TMC1: variants seen among roughly 807,000 people sequenced by gnomAD.
The protein encoded by TMC1 is transmembrane channel-like protein 1.
A neutral mutation model predicts 105.8 loss-of-function variants in TMC1; 84 were observed. The ratio of observed to expected loss-of-function variants is 0.79; its 90% CI spans 0.67 to 0.95. The LOEUF (loss-of-function observed/expected upper bound fraction) is 0.95. TMC1 is among the 40% of genes least tolerant of loss of function. The pLI is 0.00. For synonymous variants in TMC1, 315 were observed against 311.5 expected (o/e 1.01, Z -0.12); for missense variants, 817 against 914.1 (o/e 0.89, Z 1.37).
intron 2 of TMC1, among the ~76,000 whole-genome samples, chr9:72,612,186 A>G (rs140986122): frequency 2.6e-5 from 4 of 151,976 alleles, no homozygotes; most frequent in Non-Finnish European, 5.9e-5. Context: ...AAATTTCTCT[A>G]TACCCTGCTA....
At chr9:72,666,871 G>A (rs1826052145) in intron 5 of TMC1, among the ~76,000 whole-genome samples, 1 of 149,028 alleles carries the variant, frequency 6.7e-6, no homozygotes, top group Non-Finnish European at 1.5e-5. Flanking sequence ...GCAGCATAGG[G>A]AAATCCCATC....
At chr9:72,675,784 T>A (rs1248503202) in intron 5 of TMC1, among the ~76,000 whole-genome samples, 1 of 152,174 alleles carries the variant, frequency 6.6e-6, no homozygotes, top group African/African-American at 2.4e-5. Flanking sequence ...CCCCACCCCA[T>A]GCCTTTTTGT....
chr9:72,759,868 G>A lies in TMC1; in HGVS notation c.741+4984G>A, dbSNP rs562955818. Reference sequence around the variant, plus strand: ...TCTCTTCATGTCCTGTATTCCGCCCGTAATTTTCCTGTTGTAATTTCCAGC... The same window carrying A: ...TCTCTTCATGTCCTGTATTCCGCCCATAATTTTCCTGTTGTAATTTCCAGC... On this transcript the variant is annotated intron_variant, in intron 12 of 23. Transcript: ENST00000297784. Among the ~76,000 whole-genome samples the A allele has an allele frequency of 1.8e-4, 27 of 152,232 alleles. No homozygotes were observed. In the South Asian group the frequency reaches 3.5e-3, roughly 20 times the overall value.
chr9:72,636,975 C>T (rs1452311270), intron 4 of TMC1, among the ~76,000 whole-genome samples: 1 of 151,808 alleles, frequency 6.6e-6, no homozygotes, highest in Non-Finnish European at 1.5e-5. Flanking sequence ...AAGAATTATT[C>T]AGTCCAAAGT....
intron 2 of TMC1, among the ~76,000 whole-genome samples, chr9:72,602,230 A>C (rs1824828324): frequency 6.6e-6 from 1 of 152,252 alleles, no homozygotes; most frequent in South Asian, 2.1e-4. Context: ...TTTTAGTATA[A>C]TATTATTACA....
rs372449375 is a variant in TMC1, at chr9:72,751,917, T to G, written c.603T>G (p.Val201=). 2 of 1,613,500 alleles carry G rather than the reference T, an allele frequency of 1.2e-6. No individual in the cohort carries two copies. The highest frequency in any genetic ancestry group is 2.7e-5 in the African/African-American group (2 of 74,902). Residue 201 remains valine (V), a synonymous_variant, in exon 11 of 24, where the codon GTT becomes GTG. Transcript: ENST00000297784. The part of the protein sequence containing the change: ...FLRWMYGVNM[V]LFILTFSLIM... Reference sequence around the variant, plus strand: ...GATGGATGTATGGAGTCAATATGGTTCTCTTTATCCTGACATTTAGCCTCA... The same window carrying G: ...GATGGATGTATGGAGTCAATATGGTGCTCTTTATCCTGACATTTAGCCTCA...
At chr9:72,708,972 G>T (rs565694483) in intron 8 of TMC1, among the ~76,000 whole-genome samples, 1 of 150,202 alleles carries the variant, frequency 6.7e-6, no homozygotes, top group South Asian at 2.2e-4. Context: ...TGGGATGCTG[G>T]TTTTTGTCAA....
intron 1 of TMC1, among the ~76,000 whole-genome samples, chr9:72,577,088 GATAA>G (rs1824394968): frequency 6.6e-6 from 1 of 152,088 alleles, no homozygotes; most frequent in African/African-American, 2.4e-5. Context: ...ACAATTTAAG[GATAA>G]ATAATGTACT....
At position 72,627,914 on chromosome 9, in the gene TMC1, A is replaced by G. The variant is rs1347295902; in HGVS notation, c.-195-7A>G. ...CTGTATTGGATTTTTTTTTTTTCAT[A>G]TTTTAGGATGCCAGAAGCCTCAAAA... On this transcript the variant is annotated splice_region_variant and splice_polypyrimidine_tract_variant and intron_variant, in intron 3 of 23. Coordinates refer to ENST00000297784, the MANE Select transcript of TMC1 (RefSeq NM_138691.3). The G allele has an allele frequency of 2.7e-6, 1 of 372,622 alleles. No homozygotes were observed. Among genetic ancestry groups the G allele is most frequent in the Non-Finnish European group, 5.3e-6 (1 of 189,302 alleles). The allele number at this position is 372,622 out of a possible 1,614,324, so 23.1% of individuals were successfully genotyped here. A position where few individuals can be genotyped will look rare whatever the true frequency, so the allele number is the denominator to read the frequency against.
chr9:72,594,172 C>T lies in TMC1; in HGVS notation c.-306+16149C>T, dbSNP rs577180686. 2.6e-5 allele frequency among the ~76,000 whole-genome samples: 4 copies of T among 152,162 alleles called. No individual in the cohort carries two copies. In the East Asian group the frequency reaches 5.8e-4, roughly 22 times the overall value. On this transcript the variant is annotated intron_variant, in intron 2 of 23. Transcript: ENST00000297784. ...AGTTTTATTGATTTTTACATGTACGCGGAGACCCTCATGAGACAGCAGAAG... is the reference window on the plus strand; with the variant it reads ...AGTTTTATTGATTTTTACATGTACGTGGAGACCCTCATGAGACAGCAGAAG...
chr9:72,588,922 T>A (rs1040289739), intron 2 of TMC1, among the ~76,000 whole-genome samples: 1 of 152,022 alleles, frequency 6.6e-6, no homozygotes, highest in African/African-American at 2.4e-5. Flanking sequence ...ATTACAGGCA[T>A]GCGCCACCCA....
At chr9:72,533,750 T>C (rs1164910922) in intron 1 of TMC1, among the ~76,000 whole-genome samples, 1 of 152,200 alleles carries the variant, frequency 6.6e-6, no homozygotes, top group Admixed American at 6.5e-5. Flanking sequence ...CTTTGTGTAA[T>C]TGGTTTCATG....
intron 13 of TMC1, among the ~76,000 whole-genome samples, chr9:72,775,441 A>G (rs921844147): frequency 6.6e-6 from 1 of 152,200 alleles, no homozygotes; most frequent in Non-Finnish European, 1.5e-5. Flanking sequence ...GAAGTTTTAT[A>G]TCATAAAATA....
chr9:72,552,312 C>T (rs995509180), intron 1 of TMC1, among the ~76,000 whole-genome samples: 3 of 152,104 alleles, frequency 2.0e-5, no homozygotes, highest in Non-Finnish European at 4.4e-5. Context: ...CTTGTCTCTT[C>T]CCCCTGCTGT....
intron 8 of TMC1, among the ~76,000 whole-genome samples, chr9:72,722,623 A>C (rs1432253032): frequency 6.6e-6 from 1 of 152,190 alleles, no homozygotes; most frequent in African/African-American, 2.4e-5. Flanking sequence ...TTATTGTCTC[A>C]AGTACTAGCA....
chr9:72,652,116 T>C (rs535839159), intron 5 of TMC1, among the ~76,000 whole-genome samples: 29 of 152,232 alleles, frequency 1.9e-4, no homozygotes, highest in Admixed American at 9.8e-4. Context: ...AGGAGGGAGG[T>C]GGTATCCCAT....
chr9:72,753,100 T>C lies in TMC1; in HGVS notation c.642+1144T>C, dbSNP rs115818208. ...GAACCCATGATTCAATCCCTTTCTC[T>C]AAGATTTTGCACTTTAATCCACTAG... On this transcript the variant is annotated intron_variant, in intron 11 of 23. Transcript: ENST00000297784. Among the ~76,000 whole-genome samples, 1,367 of 152,238 alleles carry C rather than the reference T, an allele frequency of 9.0e-3. 27 individuals carry two copies. Among genetic ancestry groups the C allele is most frequent in the African/African-American group, 0.03 (1,230 of 41,536 alleles).
At chr9:72,574,154 A>G (rs1186617063) in intron 1 of TMC1, among the ~76,000 whole-genome samples, 1 of 152,120 alleles carries the variant, frequency 6.6e-6, no homozygotes, top group Non-Finnish European at 1.5e-5. Flanking sequence ...TGCTATTCTG[A>G]TTAGAGAGTG....
intron 2 of TMC1, among the ~76,000 whole-genome samples, chr9:72,612,565 T>G (rs1419867596): frequency 6.6e-6 from 1 of 152,116 alleles, no homozygotes. Context: ...AACTCTGCTA[T>G]CTCAGTGAGA....
Sources: allele counts gnomAD v4.1 joint callset (sites outside exome capture counted in the v4.1 genomes callset), GRCh38; gene constraint gnomAD v4.1.1; transcripts MANE v1.5; gene names NCBI Gene and HGNC (gene_info 2026-07-23, HGNC 2026-07-21).